The following TANC1 variants were observed in gnomAD, a reference collection of about 807,000 sequenced individuals.
TANC1 encodes tetratricopeptide repeat, ankyrin repeat and coiled-coil containing 1, also known as protein TANC1.
In TANC1, 77 loss-of-function variants were observed where a neutral mutation model predicts 149.7. That is an observed-to-expected ratio of 0.51 (90% CI 0.43 to 0.62). The LOEUF (loss-of-function observed/expected upper bound fraction) is 0.62. Ranked by LOEUF, TANC1 falls within the 20% of genes least tolerant of loss-of-function variation. The probability of loss-of-function intolerance (pLI) is 0.00; values close to 1 mark genes in which losing one functional copy is unlikely to be tolerated. For synonymous variants in TANC1, 854 were observed against 925.0 expected (o/e 0.92, Z 1.39); for missense variants, 1,985 against 2,321.8 (o/e 0.85, Z 2.98).
intron 2 of TANC1, among the ~76,000 whole-genome samples, chr2:159,028,382 A>G (rs568250491): frequency 2.0e-5 from 3 of 152,254 alleles, no homozygotes; most frequent in Admixed American, 2.0e-4. Flanking sequence ...TGGCCTCCCA[A>G]AGTGCTGGGA....
chr2:159,183,682 T>TTTTG (rs771142896), intron 14 of TANC1, among the ~76,000 whole-genome samples: 2 of 151,668 alleles, frequency 1.3e-5, no homozygotes, highest in East Asian at 1.9e-4. Flanking sequence ...GGGCGGGTGG[T>TTTTG]TTTGTTTGTT....
intron 2 of TANC1, among the ~76,000 whole-genome samples, chr2:159,012,436 C>T (rs2037862409): frequency 6.8e-6 from 1 of 147,826 alleles, no homozygotes; most frequent in South Asian, 2.1e-4. Flanking sequence ...CCTTGGCACT[C>T]TATTTTTTTT....
At chr2:159,106,587 T>G (rs139175663) in intron 4 of TANC1, among the ~76,000 whole-genome samples, 181 of 152,324 alleles carry the variant, frequency 1.2e-3, no homozygotes, top group African/African-American at 4.3e-3. Flanking sequence ...TGGTGGGTAT[T>G]TTGTTGTTTC....
chr2:159,126,615 C>T (rs1032725445), intron 4 of TANC1, among the ~76,000 whole-genome samples: 2 of 152,264 alleles, frequency 1.3e-5, no homozygotes, highest in Non-Finnish European at 1.5e-5. Flanking sequence ...AGCTAGCAGA[C>T]TGGCTTGCAG....
At chr2:159,109,066 C>T (rs888858349) in intron 4 of TANC1, among the ~76,000 whole-genome samples, 4 of 152,182 alleles carry the variant, frequency 2.6e-5, no homozygotes, top group African/African-American at 9.7e-5. Context: ...GGTCACAGGT[C>T]CTGAGTACAG....
chr2:159,073,503 C>A (rs968602956), intron 3 of TANC1, among the ~76,000 whole-genome samples: 1 of 152,194 alleles, frequency 6.6e-6, no homozygotes, highest in Non-Finnish European at 1.5e-5. Context: ...ATAAAACTCT[C>A]AAACAATGCT....
chr2:159,028,908 T>C (rs2039562771), intron 2 of TANC1, among the ~76,000 whole-genome samples: 1 of 152,286 alleles, frequency 6.6e-6, no homozygotes, highest in Admixed American at 6.5e-5. Context: ...CATGTGCTGC[T>C]ATACACAGCT....
At chr2:159,052,410 C>T (rs17812009) in intron 2 of TANC1, among the ~76,000 whole-genome samples, 27,482 of 152,012 alleles carry the variant, frequency 0.18, 3,367 homozygotes, top group Non-Finnish European at 0.28. Flanking sequence ...GTGACATACT[C>T]GCTCCTGCTA....
At chr2:159,176,285 C>T in intron 12 of TANC1, 67 bp from the exon 13 acceptor site, 2 of 921,614 alleles carry the variant, frequency 2.2e-6, no homozygotes, top group Non-Finnish European at 3.2e-6. Context: ...CACTAAAATA[C>T]ACTGGGTGTT....
intron 4 of TANC1, among the ~76,000 whole-genome samples, chr2:159,135,387 C>T (rs1043701570): frequency 6.6e-6 from 1 of 152,272 alleles, no homozygotes; most frequent in Non-Finnish European, 1.5e-5. Context: ...CATTCGTGTA[C>T]AAGTTTTTGT....
At chr2:158,996,981 CAA>C (rs1166208435) in intron 1 of TANC1, among the ~76,000 whole-genome samples, 46 of 118,224 alleles carry the variant, frequency 3.9e-4, no homozygotes, top group Admixed American at 3.6e-4. Context: ...CAGACTGTGG[CAA>C]AAAAAAAAAA....
In TANC1 at chr2:159,185,890, C is replaced by G; in HGVS notation, c.2610C>G (p.His870Gln). 6.2e-7 allele frequency: 1 copy of G among 1,612,704 alleles called. No individual in the cohort carries two copies. The highest frequency in any genetic ancestry group is 8.5e-7 in the Non-Finnish European group (1 of 1,178,690). ...MELGHHILKA[H>Q]IFKGLSKKTG... ...TTGGCCACCACATCCTGAAGGCGCA[C>G]ATTTTCAAGGTGAGATGCACACCAA... is the stretch of plus-strand genomic sequence containing the variant. Residue 870 changes from histidine to glutamine, a missense_variant, in exon 15 of 27, where the codon CAC (histidine) becomes CAG (glutamine). Coordinates refer to ENST00000263635, the MANE Select transcript of TANC1 (RefSeq NM_033394.3).
intron 4 of TANC1, among the ~76,000 whole-genome samples, chr2:159,115,150 C>G (rs542643091): frequency 6.6e-6 from 1 of 151,596 alleles, no homozygotes; most frequent in Non-Finnish European, 1.5e-5. Context: ...GAGCGAGACT[C>G]TCCTTTCGGA....
chr2:159,170,930 A>G (rs1575077531), intron 10 of TANC1, 125 bp downstream of exon 10: 1 of 1,066,974 alleles, frequency 9.4e-7, no homozygotes, highest in East Asian at 2.6e-5. Flanking sequence ...CAGGTTTGCC[A>G]TCATGTGTGA....
rs999604863 is a variant in TANC1 at position 159,050,312 on chromosome 2, C to G, written c.-15-15584C>G. ...TTTTGTAGAAACAAAGACTCACACTCCTGGACTCAAGTGATTCTCCTACCT... is the reference window on the plus strand; with the variant it reads ...TTTTGTAGAAACAAAGACTCACACTGCTGGACTCAAGTGATTCTCCTACCT... On this transcript the variant is annotated intron_variant, in intron 2 of 26. Transcript: ENST00000263635. Among the ~76,000 whole-genome samples, 4 of 152,300 alleles carry G rather than the reference C, an allele frequency of 2.6e-5. No individual in the cohort carries two copies. The East Asian group carries it at 7.7e-4, about 29-fold the overall frequency.
intron 4 of TANC1, among the ~76,000 whole-genome samples, chr2:159,103,484 T>G (rs999645109): frequency 1.0e-5 from 1 of 96,740 alleles, no homozygotes; most frequent in African/African-American, 2.9e-5. Flanking sequence ...TGAGACGTCA[T>G]TCTGTAGCTG....
At chr2:159,157,153 G>A (rs756527867) in intron 7 of TANC1, among the ~76,000 whole-genome samples, 68 of 152,228 alleles carry the variant, frequency 4.5e-4, no homozygotes, top group Non-Finnish European at 8.2e-4. Flanking sequence ...GAAGCCAGAA[G>A]TCTCCTGAAG....
At chr2:159,047,545 A>G (rs79760787) in intron 2 of TANC1, among the ~76,000 whole-genome samples, 5,834 of 152,236 alleles carry the variant, frequency 0.038, 263 homozygotes, top group East Asian at 0.16. Flanking sequence ...AGATAAATGC[A>G]TATCTCATTG....
intron 16 of TANC1, among the ~76,000 whole-genome samples, chr2:159,188,954 A>C (rs1011480915): frequency 1.3e-5 from 2 of 152,228 alleles, no homozygotes; most frequent in Non-Finnish European, 1.5e-5. Context: ...CCTTCAGCAC[A>C]GTGCCGTCTC....
Sources: allele counts gnomAD v4.1 joint callset (sites outside exome capture counted in the v4.1 genomes callset), GRCh38; gene constraint gnomAD v4.1.1; transcripts MANE v1.5; gene names NCBI Gene and HGNC (gene_info 2026-07-23, HGNC 2026-07-21).